The following SLC25A21 variants were observed in gnomAD, a reference collection of about 807,000 sequenced individuals.
SLC25A21 encodes the protein mitochondrial 2-oxodicarboxylate carrier.
SLC25A21 carries 47 observed loss-of-function variants against 43.8 expected under a neutral mutation model. The ratio of observed to expected loss-of-function variants is 1.07; its 90% CI spans 0.85 to 1.37. The LOEUF (loss-of-function observed/expected upper bound fraction) is 1.37. Ranked by LOEUF, SLC25A21 falls within the 40% of genes most tolerant of loss-of-function variation. The pLI, the probability that SLC25A21 is intolerant of heterozygous loss-of-function variation, is 0.00. For missense variants in SLC25A21, 352 were observed against 350.2 expected, an observed-to-expected ratio of 1.00 and a Z score of -0.04; for synonymous variants, 131 against 121.3, an observed-to-expected ratio of 1.08 and a Z score of -0.52.
In SLC25A21 at chr14:36,684,756, T is replaced by G; in HGVS notation, c.773A>C (p.Tyr258Ser). 1 of 1,606,880 alleles carries G rather than the reference T, an allele frequency of 6.2e-7. No individual in the cohort carries two copies. The highest frequency in any genetic ancestry group is 1.7e-5 in the Admixed American group (1 of 58,564). Residue 258 changes from tyrosine (Y) to serine (S), a missense_variant, in exon 8 of 10, where the codon TAT (tyrosine) becomes TCT (serine). Transcript: ENST00000331299. The stretch of plus-strand genomic sequence containing the variant: ...TGTGTTATGTTACCCTTCTTCCTGA[T>G]AGACTGTTGCCATTGTTTTAAAACA... ...RTCFKTMATV[Y>S]QEEGILALYK...
At chr14:36,794,213 C>T (rs1252739401) in intron 3 of SLC25A21, among the ~76,000 whole-genome samples, 1 of 152,010 alleles carries the variant, frequency 6.6e-6, no homozygotes, top group African/African-American at 2.4e-5. Context: ...AACAAGGGAG[C>T]AGAAATGAGT....
At chr14:37,002,688 G>A (rs1014046512) in intron 1 of SLC25A21, among the ~76,000 whole-genome samples, 4 of 152,212 alleles carry the variant, frequency 2.6e-5, no homozygotes, top group Middle Eastern at 3.4e-3. Flanking sequence ...TACTAAATGC[G>A]ATAACATTCA....
intron 1 of SLC25A21, among the ~76,000 whole-genome samples, chr14:37,157,085 G>A (rs1163872706): frequency 6.6e-6 from 1 of 152,118 alleles, no homozygotes; most frequent in African/African-American, 2.4e-5. Flanking sequence ...CGCCCAGCAC[G>A]GTGGCTCATG....
intron 1 of SLC25A21, among the ~76,000 whole-genome samples, chr14:36,890,868 A>G (rs1891055291): frequency 6.6e-6 from 1 of 152,194 alleles, no homozygotes; most frequent in Non-Finnish European, 1.5e-5. Context: ...TGTACACTTT[A>G]AGTAGTCAAT....
chr14:37,044,250 AT>A (rs1961540290), intron 1 of SLC25A21, among the ~76,000 whole-genome samples: 1 of 152,102 alleles, frequency 6.6e-6, no homozygotes, highest in Non-Finnish European at 1.5e-5. Context: ...TATTAATAAT[AT>A]TTTTTAATGC....
intron 8 of SLC25A21, 57 bp from the exon 9 acceptor site, chr14:36,683,937 C>T: frequency 2.9e-6 from 4 of 1,371,332 alleles, no homozygotes; most frequent in Non-Finnish European, 4.1e-6. Flanking sequence ...GGAGTTGTAC[C>T]TTAGCTTTAT....
chr14:36,780,771 G>A (rs1887027760), intron 3 of SLC25A21, among the ~76,000 whole-genome samples: 1 of 152,074 alleles, frequency 6.6e-6, no homozygotes, highest in Non-Finnish European at 1.5e-5. Flanking sequence ...AATGTTTTGT[G>A]TGTGCTTGAG....
At chr14:36,736,147 G>A (rs1170480112) in intron 3 of SLC25A21, among the ~76,000 whole-genome samples, 1 of 152,028 alleles carries the variant, frequency 6.6e-6, no homozygotes, top group South Asian at 2.1e-4. Flanking sequence ...GTGTTAGCCA[G>A]GATGGTCTCG....
chr14:36,756,855 C>A (rs1187438099), intron 3 of SLC25A21, among the ~76,000 whole-genome samples: 1 of 152,134 alleles, frequency 6.6e-6, no homozygotes, highest in Non-Finnish European at 1.5e-5. Flanking sequence ...GTAAATGGGA[C>A]TTTTTGCTCA....
chr14:37,091,890 G>A (rs1962593889), intron 1 of SLC25A21, among the ~76,000 whole-genome samples: 1 of 152,150 alleles, frequency 6.6e-6, no homozygotes, highest in South Asian at 2.1e-4. Context: ...TACTTTGGGA[G>A]GCCAAGGTGG....
intron 3 of SLC25A21, among the ~76,000 whole-genome samples, chr14:36,734,926 T>G (rs1983672): frequency 0.52 from 79,683 of 151,956 alleles, 21,044 homozygotes; most frequent in Middle Eastern, 0.6. Context: ...ATTTCCTCCC[T>G]TGTGGCAACC....
chr14:36,920,276 T>C (rs1186593213), intron 1 of SLC25A21, among the ~76,000 whole-genome samples: 1 of 152,108 alleles, frequency 6.6e-6, no homozygotes, highest in Non-Finnish European at 1.5e-5. Flanking sequence ...ATTACAATTA[T>C]AGTTTTATTT....
At chr14:37,064,565 G>A (rs1379556726) in intron 1 of SLC25A21, among the ~76,000 whole-genome samples, 2 of 152,018 alleles carry the variant, frequency 1.3e-5, no homozygotes, top group Non-Finnish European at 2.9e-5. Context: ...CCAAACAACT[G>A]TGAATTGTGA....
chr14:37,100,947 A>G (rs1962805731), intron 1 of SLC25A21, among the ~76,000 whole-genome samples: 1 of 152,222 alleles, frequency 6.6e-6, no homozygotes, highest in South Asian at 2.1e-4. Context: ...AGCTATTATT[A>G]TCATTCTCTG....
intron 2 of SLC25A21, among the ~76,000 whole-genome samples, chr14:36,834,093 A>C (rs534901687): frequency 1.1e-3 from 171 of 152,312 alleles, no homozygotes; most frequent in Middle Eastern, 3.4e-3. Flanking sequence ...GGTGTGGATT[A>C]ATTTTGTAAT....
At chr14:36,966,329 C>G (rs568996786) in intron 1 of SLC25A21, among the ~76,000 whole-genome samples, 1 of 152,256 alleles carries the variant, frequency 6.6e-6, no homozygotes, top group East Asian at 1.9e-4. Flanking sequence ...AACTCCCTAC[C>G]AGATGGTCCA....
chr14:36,940,223 G>C (rs559378115), intron 1 of SLC25A21, among the ~76,000 whole-genome samples: 6 of 152,060 alleles, frequency 3.9e-5, no homozygotes, highest in Non-Finnish European at 7.4e-5. Flanking sequence ...AGCTAGTTTG[G>C]AGTTGAAAAG....
At chr14:36,854,381 G>A (rs2138520259) in intron 2 of SLC25A21, among the ~76,000 whole-genome samples, 1 of 152,338 alleles carries the variant, frequency 6.6e-6, no homozygotes, top group Non-Finnish European at 1.5e-5. Flanking sequence ...CCCAGATGGA[G>A]CTAGGTGAGA....
At chr14:37,053,889 A>G (rs1961763152) in intron 1 of SLC25A21, among the ~76,000 whole-genome samples, 1 of 152,216 alleles carries the variant, frequency 6.6e-6, no homozygotes, top group Admixed American at 6.5e-5. Context: ...AAGCACATCA[A>G]TATATTTAAA....
Sources: allele counts gnomAD v4.1 joint callset (sites outside exome capture counted in the v4.1 genomes callset), GRCh38; gene constraint gnomAD v4.1.1; transcripts MANE v1.5; gene names NCBI Gene and HGNC (gene_info 2026-07-23, HGNC 2026-07-21).